Variants in DNAH17 observed in about 807,000 individuals in gnomAD.
DNAH17 encodes dynein axonemal heavy chain 17, also known as axonemal beta dynein heavy chain 17.
DNAH17 carries 376 observed loss-of-function variants against 485.6 expected under a neutral mutation model. The observed-to-expected ratio is 0.77, with a 90% CI of 0.71 to 0.84. The LOEUF is 0.84. Among genes scored for constraint, DNAH17 ranks in the 40% least tolerant of loss-of-function variants. The pLI is 0.00. For missense variants in DNAH17, 6,370 were observed against 5,839.3 expected (o/e 1.09, Z -2.96); for synonymous variants, 3,031 against 2,405.9 (o/e 1.26, Z -7.60).
In DNAH17 at chr17:78,424,029, A is replaced by G. The variant is rs779721438; in HGVS notation, c.13266T>C (p.Tyr4422=). The change falls in exon 81 of 81, where the codon TAT becomes TAC. Residue 4422 remains tyrosine, a synonymous_variant. Coordinates refer to ENST00000389840, the MANE Select transcript of DNAH17 (RefSeq NM_173628.4). The stretch of plus-strand genomic sequence containing the variant: ...TGCGTGTTTTGTACACGGGACACTC[A>G]TAGATGTTCTTGGTCTCCATGCGGT... ...PVDRMETKNI[Y]ECPVYKTRIR... The G allele has an allele frequency of 5.6e-6, 9 of 1,614,028 alleles. No individual in the cohort carries two copies. Among genetic ancestry groups the G allele is most frequent in the Non-Finnish European group, 6.8e-6 (8 of 1,179,892 alleles).
chr17:78,536,391 A>G (rs763623397), intron 19 of DNAH17, among the ~76,000 whole-genome samples: 2 of 152,196 alleles, frequency 1.3e-5, no homozygotes, highest in Non-Finnish European at 2.9e-5. Flanking sequence ...CGGAGGTTGC[A>G]GTCAGCTGAG....
Position 78,569,451 on chromosome 17 carries a change from G to T in DNAH17, c.1121C>A (p.Ser374Tyr), listed in dbSNP as rs368753667. The change falls in exon 8 of 81, where the codon TCC becomes TAC. Residue 374 changes from serine (S) to tyrosine (Y), a missense_variant. By Grantham distance (144) the Ser-to-Tyr change is moderately radical (BLOSUM62 -2). Transcript: ENST00000389840. The stretch of plus-strand genomic sequence containing the variant: ...CTCCTTCAGCACATTTACAGCCAGG[G>T]AGATGCCACTCAGGACTTCCTCGAT... ...GEIEEVLSGI[S>Y]LAVNVLKELY... The T allele has an allele frequency of 1.5e-4, 241 of 1,612,202 alleles. 2 individuals are homozygous for T. Among genetic ancestry groups the T allele is most frequent in the South Asian group, 2.2e-4 (20 of 90,628 alleles).
chr17:78,443,207 A>G (rs1013750193), intron 71 of DNAH17, among the ~76,000 whole-genome samples: 1 of 152,110 alleles, frequency 6.6e-6, no homozygotes, highest in Admixed American at 6.5e-5. Context: ...AGGTCACCTC[A>G]CCTCATCCTC....
chr17:78,448,518 T>C (rs1049108625), intron 69 of DNAH17, among the ~76,000 whole-genome samples: 3 of 151,938 alleles, frequency 2.0e-5, no homozygotes, highest in African/African-American at 7.3e-5. Context: ...CAGAGTGAGA[T>C]TGTCTCAAAA....
chr17:78,482,553 G>T (rs1045134591), intron 48 of DNAH17, among the ~76,000 whole-genome samples: 1 of 151,888 alleles, frequency 6.6e-6, no homozygotes, highest in Non-Finnish European at 1.5e-5. Flanking sequence ...TTGCCCTTCT[G>T]TGTGTGCCTC....
chr17:78,525,193 T>C, intron 24 of DNAH17, 32 bp from the exon 25 acceptor site: 1 of 1,604,168 alleles, frequency 6.2e-7, no homozygotes, highest in Non-Finnish European at 8.5e-7. Context: ...TCAGTAGGGC[T>C]ACCTACCCTC....
At chr17:78,484,739 A>ACCCCCCCGGCCCCCCCCCCCCCC in intron 48 of DNAH17, 129 bp downstream of exon 48, 4 of 347,796 alleles carry the variant, frequency 1.2e-5, no homozygotes, top group Non-Finnish European at 1.8e-5. Flanking sequence ...ACGTTGCAGC[A>ACCCCCCCGGCCCCCCCCCCCCCC]CCCCCCCCAC....
chr17:78,448,066 G>T (rs1313498823), intron 69 of DNAH17, among the ~76,000 whole-genome samples: 1 of 152,032 alleles, frequency 6.6e-6, no homozygotes, highest in East Asian at 1.9e-4. Context: ...CAGCTACTCG[G>T]AAGACTGAGG....
At chr17:78,467,049 G>T (rs2088504315) in intron 55 of DNAH17, among the ~76,000 whole-genome samples, 1 of 152,214 alleles carries the variant, frequency 6.6e-6, no homozygotes, top group South Asian at 2.1e-4. Flanking sequence ...CTCTGGAAGG[G>T]GCCCTTGCCT....
chr17:78,495,171 A>T (rs2146689203), intron 38 of DNAH17, 74 bp from the exon 39 acceptor site: 1 of 1,482,934 alleles, frequency 6.7e-7, no homozygotes, highest in Non-Finnish European at 9.0e-7. Context: ...GTCCCTCTTC[A>T]CCTAGGAGAG....
intron 13 of DNAH17, among the ~76,000 whole-genome samples, chr17:78,560,229 G>A (rs776064378): frequency 3.3e-5 from 5 of 152,198 alleles, no homozygotes; most frequent in African/African-American, 7.2e-5. Context: ...TTTGGTGAAC[G>A]AAAGAATGAA....
intron 27 of DNAH17, among the ~76,000 whole-genome samples, chr17:78,509,311 G>A (rs1361856496): frequency 1.3e-5 from 2 of 151,560 alleles, no homozygotes; most frequent in Non-Finnish European, 2.9e-5. Context: ...GTAGAGATGG[G>A]GTCTGCCTAT....
intron 65 of DNAH17, among the ~76,000 whole-genome samples, chr17:78,452,158 C>A (rs1367821215): frequency 6.6e-6 from 1 of 151,928 alleles, no homozygotes; most frequent in South Asian, 2.1e-4. Context: ...AGCACTCACA[C>A]CAGGCCCCTC....
At chr17:78,461,377 C>G (rs1308384980) in intron 58 of DNAH17, among the ~76,000 whole-genome samples, 167 bp downstream of exon 58, 1 of 152,190 alleles carries the variant, frequency 6.6e-6, no homozygotes, top group African/African-American at 2.4e-5. Flanking sequence ...GGGCCCTCCC[C>G]TGGGAGAGAC....
At chr17:78,505,481 G>C (rs770364835) in intron 30 of DNAH17, 36 bp from the exon 31 acceptor site, 5 of 1,613,266 alleles carry the variant, frequency 3.1e-6, no homozygotes, top group Admixed American at 3.3e-5. Flanking sequence ...TATGCAACGG[G>C]GGATTTGAAA....
chr17:78,501,409 G>A, intron 34 of DNAH17, 65 bp from the exon 35 acceptor site: 1 of 1,521,378 alleles, frequency 6.6e-7, no homozygotes, highest in Non-Finnish European at 8.8e-7. Flanking sequence ...CCTAAGGAAG[G>A]CCAGCATGCC....
rs745515291 is a variant in DNAH17, at chr17:78,537,347, G to A, written c.2811C>T (p.Asn937=). 12 of 1,605,128 alleles carry A rather than the reference G, an allele frequency of 7.5e-6. No homozygotes were observed. The highest frequency in any genetic ancestry group is 2.7e-5 in the African/African-American group (2 of 74,714). Residue 937 remains asparagine (N), a synonymous_variant, in exon 19 of 81, where the codon AAC becomes AAT. Coordinates refer to ENST00000389840, the MANE Select transcript of DNAH17 (RefSeq NM_173628.4). ...CCAGCCGAGGGATGAGCCTGGCTAC[G>A]TTGTAGATGTCGTTGACCAGGCCCT... The part of the protein sequence containing the change: ...LIEGLVNDIY[N]VARLIPRLAK...
intron 35 of DNAH17, chr17:78,500,862 G>C (rs2090262363): frequency 4.0e-6 from 1 of 251,102 alleles, no homozygotes; most frequent in South Asian, 1.2e-4. Flanking sequence ...CCGTGGAGCA[G>C]AGGCAGCCCA....
intron 22 of DNAH17, 82 bp from the exon 23 acceptor site, chr17:78,527,078 A>G: frequency 8.1e-7 from 1 of 1,242,130 alleles, no homozygotes; most frequent in Non-Finnish European, 1.1e-6. Context: ...AGAGACTGGT[A>G]AGAAGCTGCA....
Sources: gnomAD v4.1 joint callset for allele counts (sites outside exome capture counted in the v4.1 genomes callset) on GRCh38, gnomAD v4.1.1 for gene constraint, MANE v1.5 for transcripts, NCBI Gene and HGNC (gene_info 2026-07-23, HGNC 2026-07-21) for gene names.